The following ADAMTSL1 variants were observed in gnomAD, a reference collection of about 807,000 sequenced individuals.
ADAMTSL1 encodes ADAMTS like 1.
Under a neutral mutation model 201.8 loss-of-function variants are expected in ADAMTSL1, and 126 were observed. The ratio of observed to expected loss-of-function variants is 0.62; its 90% CI spans 0.54 to 0.72. The LOEUF is 0.72. Ranked by LOEUF, ADAMTSL1 falls within the 30% of genes least tolerant of loss-of-function variation. The probability of loss-of-function intolerance (pLI) is 0.00; values close to 1 mark genes in which losing one functional copy is unlikely to be tolerated. For synonymous variants in ADAMTSL1, 1,121 were observed against 903.4 expected (o/e 1.24, Z -4.32); for missense variants, 2,679 against 2,277.8 (o/e 1.18, Z -3.59).
At chr9:17,965,862 C>T (rs1817961536) in intron 1 of ADAMTSL1, among the ~76,000 whole-genome samples, 1 of 152,154 alleles carries the variant, frequency 6.6e-6, no homozygotes, top group Non-Finnish European at 1.5e-5. Flanking sequence ...CGATGGGATT[C>T]TACATCCCAG....
intron 2 of ADAMTSL1, among the ~76,000 whole-genome samples, chr9:18,468,135 T>G (rs1563978242): frequency 6.6e-6 from 1 of 152,222 alleles, no homozygotes; most frequent in Non-Finnish European, 1.5e-5. Context: ...TCTGTAGCAT[T>G]GTGCATTGCA....
At chr9:18,254,651 C>G (rs917757784) in intron 2 of ADAMTSL1, among the ~76,000 whole-genome samples, 1 of 145,814 alleles carries the variant, frequency 6.9e-6, no homozygotes, top group South Asian at 2.2e-4. Context: ...GCGTGAGCCA[C>G]CGCGCCTGCC....
At chr9:18,643,707 A>G (rs967930619) in intron 7 of ADAMTSL1, among the ~76,000 whole-genome samples, 2 of 151,962 alleles carry the variant, frequency 1.3e-5, no homozygotes, top group African/African-American at 4.8e-5. Context: ...CTGAATTAAC[A>G]TCTGGGCTGT....
intron 4 of ADAMTSL1, among the ~76,000 whole-genome samples, chr9:18,588,603 A>C (rs1440186335): frequency 1.3e-5 from 2 of 151,976 alleles, no homozygotes; most frequent in African/African-American, 2.4e-5. Context: ...CTTACATTTA[A>C]GTCTTTAATC....
intron 15 of ADAMTSL1, among the ~76,000 whole-genome samples, chr9:18,749,591 G>A (rs995292339): frequency 2.0e-5 from 3 of 152,096 alleles, no homozygotes; most frequent in Admixed American, 1.3e-4. Flanking sequence ...CCCCCAGGCC[G>A]GCTCTGCCTG....
chr9:18,319,552 T>C (rs998739227), intron 2 of ADAMTSL1, among the ~76,000 whole-genome samples: 2 of 152,016 alleles, frequency 1.3e-5, no homozygotes, highest in Admixed American at 1.3e-4. Context: ...TCTCAAAAGA[T>C]ACAAAAAATA....
At chr9:18,765,190 A>T (rs1820290773) in intron 16 of ADAMTSL1, among the ~76,000 whole-genome samples, 1 of 152,210 alleles carries the variant, frequency 6.6e-6, no homozygotes, top group African/African-American at 2.4e-5. Flanking sequence ...TGCTTCATAA[A>T]AATATTTAGA....
At chr9:18,483,048 T>G (rs1470405649) in intron 1 of ADAMTSL1, among the ~76,000 whole-genome samples, 1 of 152,160 alleles carries the variant, frequency 6.6e-6, no homozygotes, top group African/African-American at 2.4e-5. Flanking sequence ...CATAGAATGG[T>G]TTTAGAATTA....
At chr9:17,928,406 T>A (rs1826641597) in intron 1 of ADAMTSL1, among the ~76,000 whole-genome samples, 1 of 152,202 alleles carries the variant, frequency 6.6e-6, no homozygotes, top group Non-Finnish European at 1.5e-5. Context: ...GAGCTAATAG[T>A]TTCACATTGG....
intron 1 of ADAMTSL1, 146 bp downstream of exon 1, chr9:18,474,441 G>A (rs1821351772): frequency 1.2e-6 from 1 of 844,330 alleles, no homozygotes; most frequent in South Asian, 1.7e-5. Flanking sequence ...TACAAAGAGA[G>A]AATACTCCTT....
intron 2 of ADAMTSL1, among the ~76,000 whole-genome samples, chr9:18,509,056 C>G (rs952324570): frequency 7.7e-6 from 1 of 130,176 alleles, no homozygotes; most frequent in Non-Finnish European, 1.6e-5. Flanking sequence ...CGGTGGCGGG[C>G]GCCTGTAGTC....
intron 1 of ADAMTSL1, among the ~76,000 whole-genome samples, chr9:18,112,088 T>C (rs566705493): frequency 8.5e-5 from 13 of 152,256 alleles, no homozygotes; most frequent in Middle Eastern, 3.4e-3. Flanking sequence ...GGTTTATCCA[T>C]TCATTCAGCA....
chr9:18,119,868 A>T (rs1448083179), intron 1 of ADAMTSL1, among the ~76,000 whole-genome samples: 1 of 152,188 alleles, frequency 6.6e-6, no homozygotes, highest in Non-Finnish European at 1.5e-5. Flanking sequence ...TCTATTACAT[A>T]GCATGGTCTT....
intron 1 of ADAMTSL1, among the ~76,000 whole-genome samples, chr9:18,501,503 C>CAAAAAAAAAA (rs397894789): frequency 3.2e-5 from 3 of 93,088 alleles, no homozygotes; most frequent in African/African-American, 5.1e-5. Context: ...GACACGGTCT[C>CAAAAAAAAAA]AAAAAAAAAA....
intron 3 of ADAMTSL1, 28 bp from the exon 4 acceptor site, chr9:18,574,002 G>C (rs1016819175): frequency 6.3e-7 from 1 of 1,593,598 alleles, no homozygotes; most frequent in Non-Finnish European, 8.6e-7. Context: ...CCTAACCTTT[G>C]TATGTCCTTT....
At chr9:18,066,055 C>T (rs934303802) in intron 1 of ADAMTSL1, among the ~76,000 whole-genome samples, 1 of 137,914 alleles carries the variant, frequency 7.3e-6, no homozygotes, top group Non-Finnish European at 1.6e-5. Flanking sequence ...CTTATTTAAT[C>T]AGAATGATTG....
intron 2 of ADAMTSL1, among the ~76,000 whole-genome samples, chr9:18,302,199 G>A (rs1425621768): frequency 1.3e-5 from 2 of 152,110 alleles, no homozygotes; most frequent in East Asian, 1.9e-4. Context: ...ATTTGGGAAA[G>A]GAAGAGGGAA....
chr9:18,257,594 G>A (rs1300379909), intron 2 of ADAMTSL1, among the ~76,000 whole-genome samples: 2 of 152,142 alleles, frequency 1.3e-5, no homozygotes, highest in South Asian at 2.1e-4. Context: ...GTGTAAAATA[G>A]TACAGCCCCT....
At chr9:18,436,900 C>G (rs1013989377) in intron 2 of ADAMTSL1, among the ~76,000 whole-genome samples, 9 of 152,244 alleles carry the variant, frequency 5.9e-5, no homozygotes, top group African/African-American at 1.9e-4. Flanking sequence ...GTAAGGAAGG[C>G]AGGAGCAGTA....
Sources: gnomAD v4.1 joint callset for allele counts (sites outside exome capture counted in the v4.1 genomes callset) on GRCh38, gnomAD v4.1.1 for gene constraint, MANE v1.5 for transcripts, NCBI Gene and HGNC (gene_info 2026-07-23, HGNC 2026-07-21) for gene names.